FER1L6: variants seen among roughly 807,000 people sequenced by gnomAD.
The protein encoded by FER1L6 is fer-1 like family member 6.
A neutral mutation model predicts 219.2 loss-of-function variants in FER1L6; 177 were observed. The ratio of observed to expected loss-of-function variants is 0.81; its 90% CI spans 0.71 to 0.91. FER1L6 has a LOEUF of 0.91. FER1L6 is among the 40% of genes least tolerant of loss of function. The probability of loss-of-function intolerance (pLI) is 0.00; values close to 1 mark genes in which losing one functional copy is unlikely to be tolerated. For synonymous variants in FER1L6, 768 were observed against 824.3 expected (o/e 0.93, Z 1.17); for missense variants, 2,153 against 2,259.9 (o/e 0.95, Z 0.96).
chr8:124,091,721 C>T, intron 34 of FER1L6, 138 bp downstream of exon 34: 4 of 864,646 alleles, frequency 4.6e-6, no homozygotes, highest in Non-Finnish European at 7.0e-6. Flanking sequence ...AATCCCAGCA[C>T]TATGGGAGGC....
chr8:124,104,817 C>A (rs1421095776), intron 39 of FER1L6, among the ~76,000 whole-genome samples: 1 of 152,272 alleles, frequency 6.6e-6, no homozygotes, highest in East Asian at 1.9e-4. Flanking sequence ...ATCCTAATTA[C>A]TCTTCATTTT....
chr8:124,033,210 C>G (rs979600863), intron 18 of FER1L6, among the ~76,000 whole-genome samples: 3 of 152,158 alleles, frequency 2.0e-5, no homozygotes, highest in Admixed American at 2.0e-4. Context: ...GCCAAGAACT[C>G]TTTTAGGCAC....
intron 39 of FER1L6, among the ~76,000 whole-genome samples, chr8:124,113,330 A>C (rs1423815594): frequency 1.3e-5 from 2 of 152,076 alleles, no homozygotes; most frequent in Non-Finnish European, 2.9e-5. Context: ...TGATATATGA[A>C]GTATATTTGA....
At chr8:123,875,110 G>A (rs977346630) in intron 1 of FER1L6, among the ~76,000 whole-genome samples, 8 of 152,196 alleles carry the variant, frequency 5.3e-5, no homozygotes, top group Non-Finnish European at 5.9e-5. Context: ...CAGGAGAATC[G>A]CTTGAACCCG....
intron 1 of FER1L6, among the ~76,000 whole-genome samples, chr8:123,931,475 G>A (rs1201153689): frequency 2.0e-5 from 3 of 152,120 alleles, no homozygotes; most frequent in Non-Finnish European, 2.9e-5. Context: ...AAATTGTTTT[G>A]GTTTACAAAG....
intron 1 of FER1L6, among the ~76,000 whole-genome samples, chr8:123,928,917 C>T (rs1393960792): frequency 1.3e-5 from 2 of 152,058 alleles, no homozygotes; most frequent in Non-Finnish European, 2.9e-5. Context: ...TGAGGCACAC[C>T]CAGGCAAGGT....
At chr8:124,043,819 T>A in intron 20 of FER1L6, among the ~76,000 whole-genome samples, 1 of 152,208 alleles carries the variant, frequency 6.6e-6, no homozygotes, top group Non-Finnish European at 1.5e-5. Context: ...GAATGTATGT[T>A]TGTTTGGGTG....
chr8:123,914,786 G>A (rs1813135343), intron 1 of FER1L6, among the ~76,000 whole-genome samples: 1 of 152,164 alleles, frequency 6.6e-6, no homozygotes, highest in African/African-American at 2.4e-5. Context: ...AATTTCATGG[G>A]TTAATTTAGA....
At chr8:123,876,250 C>G (rs1459614577) in intron 1 of FER1L6, among the ~76,000 whole-genome samples, 1 of 152,136 alleles carries the variant, frequency 6.6e-6, no homozygotes, top group Non-Finnish European at 1.5e-5. Flanking sequence ...ATTTCTCTTT[C>G]TGAGATATTT....
Position 124,023,545 on chromosome 8 carries a change from C to T in FER1L6, c.2235C>T (p.Val745=), listed in dbSNP as rs766756017. 9.3e-5 allele frequency: 150 copies of T among 1,614,044 alleles called. 1 individual carries two copies. Among genetic ancestry groups the T allele is most frequent in the African/African-American group, 2.7e-5 (2 of 74,920 alleles). ...CCAAAGACCTCCTCTATTCCCCTGT[C>T]GCGGGGCAGATGGGCAAACACTGCG... is the stretch of plus-strand genomic sequence containing the variant. ...IASKDLLYSP[V]AGQMGKHCGK... The change falls in exon 18 of 41, where the codon GTC becomes GTT. Residue 745 remains valine (V), a synonymous_variant. Transcript: ENST00000522917.
intron 11 of FER1L6, 79 bp downstream of exon 11, chr8:123,980,890 A>C: frequency 8.0e-7 from 1 of 1,242,938 alleles, no homozygotes; most frequent in Non-Finnish European, 1.1e-6. Context: ...CAGGTTCCTG[A>C]AGGTGTTGTC....
At chr8:124,051,146 C>A (rs565598076) in intron 22 of FER1L6, among the ~76,000 whole-genome samples, 1 of 152,174 alleles carries the variant, frequency 6.6e-6, no homozygotes. Flanking sequence ...AGAGAGATAA[C>A]CTCTCCCTCT....
In FER1L6 at chr8:123,976,010, G is replaced by C; in HGVS notation, c.796G>C (p.Val266Leu). The change falls in exon 9 of 41, where the codon GTC (valine) becomes CTC (leucine). Residue 266 changes from valine to leucine, a missense_variant. Val to Leu is a conservative substitution (Grantham distance 32, BLOSUM62 1). Transcript: ENST00000522917. The part of the protein sequence containing the change: ...PKMNSSIMAN[V>L]TKAFVGDSKD... ...AATGAATTCAAGCATCATGGCGAAC[G>C]TCACCAAGGCATTTGTGGGTGACAG... The C allele has an allele frequency of 1.2e-6, 2 of 1,614,074 alleles. No individual in the cohort carries two copies. The highest frequency in any genetic ancestry group is 1.7e-6 in the Non-Finnish European group (2 of 1,179,958).
chr8:123,934,431 G>C (rs1813903424), intron 1 of FER1L6, among the ~76,000 whole-genome samples: 1 of 152,198 alleles, frequency 6.6e-6, no homozygotes, highest in South Asian at 2.1e-4. Context: ...TCATTAATTT[G>C]ACATTTTTAG....
At chr8:123,990,623 C>CAGA (rs1816813275) in intron 12 of FER1L6, among the ~76,000 whole-genome samples, 2 of 152,032 alleles carry the variant, frequency 1.3e-5, no homozygotes, top group Admixed American at 6.6e-5. Flanking sequence ...GATATTAGTC[C>CAGA]TTTGTTGGAT....
intron 34 of FER1L6, among the ~76,000 whole-genome samples, chr8:124,092,609 G>T (rs1194280772): frequency 6.6e-6 from 1 of 152,152 alleles, no homozygotes; most frequent in African/African-American, 2.4e-5. Context: ...TTCTCATACT[G>T]TCACACTGTG....
chr8:124,052,315 A>G (rs1032868576), intron 22 of FER1L6, among the ~76,000 whole-genome samples: 1 of 152,128 alleles, frequency 6.6e-6, no homozygotes, highest in African/African-American at 2.4e-5. Flanking sequence ...GCCACTTTTG[A>G]TGTTCATGTG....
At chr8:123,892,561 G>A (rs28844969) in intron 1 of FER1L6, among the ~76,000 whole-genome samples, 83,286 of 152,006 alleles carry the variant, frequency 0.55, 23,513 homozygotes, top group South Asian at 0.74. Context: ...AAAGTGCTGG[G>A]ATTAGAGGCG....
chr8:124,080,274 T>A (rs1390474185), intron 32 of FER1L6, among the ~76,000 whole-genome samples: 5 of 152,122 alleles, frequency 3.3e-5, no homozygotes, highest in African/African-American at 1.2e-4. Flanking sequence ...ATAAGGCTAA[T>A]TTTTCCCTGG....
Sources: gnomAD v4.1 joint callset for allele counts (sites outside exome capture counted in the v4.1 genomes callset) on GRCh38, gnomAD v4.1.1 for gene constraint, MANE v1.5 for transcripts, NCBI Gene and HGNC (gene_info 2026-07-23, HGNC 2026-07-21) for gene names.